The following PCNX1 variants were observed in gnomAD, a reference collection of about 807,000 sequenced individuals.
The protein encoded by PCNX1 is pecanex-like protein 1.
PCNX1 carries 78 observed loss-of-function variants against 242.2 expected under a neutral mutation model. The observed-to-expected ratio is 0.32, with a 90% CI of 0.27 to 0.39. PCNX1 has a LOEUF of 0.39. PCNX1 is among the 10% of genes least tolerant of loss of function. The pLI is 1.00. For missense variants in PCNX1, 2,581 were observed against 2,856.5 expected, an observed-to-expected ratio of 0.90 and a Z score of 2.20; for synonymous variants, 1,024 against 1,032.9, an observed-to-expected ratio of 0.99 and a Z score of 0.17.
chr14:71,068,410 A>G (rs2061501754), intron 26 of PCNX1, among the ~76,000 whole-genome samples: 1 of 149,298 alleles, frequency 6.7e-6, no homozygotes, highest in African/African-American at 2.4e-5. Flanking sequence ...ACGTATATAT[A>G]TGTATTTATA....
chr14:70,955,653 T>A (rs1168287025), intron 2 of PCNX1, among the ~76,000 whole-genome samples: 1 of 152,212 alleles, frequency 6.6e-6, no homozygotes, highest in African/African-American at 2.4e-5. Context: ...AGTAGACCAC[T>A]TTGCTACTGT....
Position 71,108,716 on chromosome 14 carries a change from C to T in PCNX1, c.6414C>T (p.Leu2138=). 5 of 1,614,234 alleles carry T rather than the reference C, an allele frequency of 3.1e-6. No individual in the cohort carries two copies. Among genetic ancestry groups the T allele is most frequent in the Non-Finnish European group, 4.2e-6 (5 of 1,180,030 alleles). Residue 2138 remains leucine, a synonymous_variant, in exon 34 of 36, where the codon CTC becomes CTT. Transcript: ENST00000304743. Reference sequence around the variant, plus strand: ...GCTATAGCAGCCGGCATTCATCCCTCCGGATGTCCACCACTGGGTTTGTGC... The same window carrying T: ...GCTATAGCAGCCGGCATTCATCCCTTCGGATGTCCACCACTGGGTTTGTGC... The part of the protein sequence containing the change: ...SYCYSSRHSS[L]RMSTTGFVPC...
In PCNX1 at chr14:70,907,836, C is replaced by T. The variant is rs778106595; in HGVS notation, c.-15C>T. Reference sequence around the variant, plus strand: ...GCGGCGGCGGCGGCGGCGACGGCGGCGGCGCCGGGTGGGGATGGGGTCGCA... The same window carrying T: ...GCGGCGGCGGCGGCGGCGACGGCGGTGGCGCCGGGTGGGGATGGGGTCGCA... On this transcript the variant is annotated 5_prime_UTR_variant, in exon 1 of 36. Coordinates refer to ENST00000304743, the MANE Select transcript of PCNX1 (RefSeq NM_014982.3). 8.6e-6 allele frequency: 11 copies of T among 1,275,042 alleles called. No homozygotes were observed. Among genetic ancestry groups the T allele is most frequent in the South Asian group, 3.1e-5 (1 of 31,786 alleles). The allele number at this position is 1,275,042 out of a possible 1,614,324, so 79.0% of individuals were successfully genotyped here.
intron 2 of PCNX1, among the ~76,000 whole-genome samples, chr14:70,961,027 A>G (rs2058191969): frequency 6.6e-6 from 1 of 152,220 alleles, no homozygotes; most frequent in Non-Finnish European, 1.5e-5. Context: ...GATACAAACA[A>G]ATGGAAGAAC....
At chr14:71,026,738 A>C in intron 14 of PCNX1, 34 bp from the exon 15 acceptor site, 1 of 982,304 alleles carries the variant, frequency 1.0e-6, no homozygotes, top group Non-Finnish European at 1.6e-6. Context: ...ATACAGTATA[A>C]TATTTTAAAA....
intron 26 of PCNX1, among the ~76,000 whole-genome samples, chr14:71,072,621 AT>A: frequency 6.6e-6 from 1 of 152,342 alleles, no homozygotes. Context: ...TGGTGTATGT[AT>A]TAATATTACT....
intron 33 of PCNX1, among the ~76,000 whole-genome samples, chr14:71,107,163 T>C (rs1236562469): frequency 1.3e-5 from 2 of 152,076 alleles, no homozygotes; most frequent in East Asian, 1.9e-4. Context: ...AAGTTGATCC[T>C]CTCCCCAACT....
chr14:70,964,951 C>A (rs886511097), intron 3 of PCNX1, among the ~76,000 whole-genome samples: 7 of 152,094 alleles, frequency 4.6e-5, no homozygotes, highest in Admixed American at 4.6e-4. Flanking sequence ...AAGAGTCTGG[C>A]TTTTTGCATA....
In PCNX1 at chr14:71,006,133, G is replaced by C. The variant is rs867398171; in HGVS notation, c.2630-3501G>C. On this transcript the variant is annotated intron_variant, in intron 8 of 35. Transcript: ENST00000304743. ...TGTGTGTGTGTGTGTGTGTGTGTGTGTGTGTGTGTGTGTGTGTGTGTGTGT... is the reference window on the plus strand; with the variant it reads ...TGTGTGTGTGTGTGTGTGTGTGTGTCTGTGTGTGTGTGTGTGTGTGTGTGT... Among the ~76,000 whole-genome samples, 928 of 105,926 alleles carry C rather than the reference G, an allele frequency of 8.8e-3. 16 individuals carry two copies. Among genetic ancestry groups the C allele is most frequent in the African/African-American group, 0.031 (679 of 22,188 alleles). The allele number at this position is 105,926 out of a possible 152,430, so 69.5% of individuals were successfully genotyped here.
chr14:71,066,326 C>T (rs1001591759), intron 26 of PCNX1, among the ~76,000 whole-genome samples: 2 of 152,168 alleles, frequency 1.3e-5, no homozygotes, highest in Non-Finnish European at 2.9e-5. Context: ...AGAGGACCTT[C>T]GCATCCCTTG....
At chr14:71,009,584 A>G (rs773970480) in intron 8 of PCNX1, 50 bp from the exon 9 acceptor site, 3 of 1,108,016 alleles carry the variant, frequency 2.7e-6, no homozygotes, top group Non-Finnish European at 3.9e-6. Flanking sequence ...TCATGAAGGA[A>G]AAATTCTGAG....
chr14:71,020,926 T>G lies in PCNX1; in HGVS notation c.3150+1764T>G, dbSNP rs540488499. 9.5e-4 allele frequency among the ~76,000 whole-genome samples: 144 copies of G among 152,286 alleles called. No homozygotes were observed. In the Middle Eastern group the frequency reaches 0.01, roughly 11 times the overall value. On this transcript the variant is annotated intron_variant, in intron 12 of 35. Transcript: ENST00000304743. ...ATTTAAGTCTTTAATCCATCTTGAG[T>G]TAATTTTTGTATAAGGTGTAAGGAA...
chr14:70,907,836 C>A lies in PCNX1; in HGVS notation c.-15C>A, dbSNP rs778106595. The A allele has an allele frequency of 1.6e-6, 2 of 1,275,156 alleles. No homozygotes were observed. Among genetic ancestry groups the A allele is most frequent in the Non-Finnish European group, 2.0e-6 (2 of 1,008,448 alleles). The allele number at this position is 1,275,156 out of a possible 1,614,324, so 79.0% of individuals were successfully genotyped here. A position where few individuals can be genotyped will look rare whatever the true frequency, so the allele number is the denominator to read the frequency against. On this transcript the variant is annotated 5_prime_UTR_variant, in exon 1 of 36. Coordinates refer to ENST00000304743, the MANE Select transcript of PCNX1 (RefSeq NM_014982.3). ...GCGGCGGCGGCGGCGGCGACGGCGG[C>A]GGCGCCGGGTGGGGATGGGGTCGCA...
chr14:71,048,694 C>G (rs926668588), intron 22 of PCNX1, among the ~76,000 whole-genome samples: 1 of 152,140 alleles, frequency 6.6e-6, no homozygotes, highest in East Asian at 1.9e-4. Context: ...TGAACAGCTA[C>G]AAAACACAAT....
At chr14:71,028,571 C>T (rs34488204) in intron 15 of PCNX1, 129 bp from the exon 16 acceptor site, 203,907 of 565,640 alleles carry the variant, frequency 0.36, 38,715 homozygotes, top group East Asian at 0.62. Context: ...AACTGAATTT[C>T]TGAAATTCAG....
At chr14:71,029,619 T>C (rs556595270) in intron 16 of PCNX1, among the ~76,000 whole-genome samples, 1 of 152,342 alleles carries the variant, frequency 6.6e-6, no homozygotes, top group East Asian at 1.9e-4. Flanking sequence ...AAGACTACTT[T>C]ATTCTGCCAA....
At chr14:70,917,617 C>G (rs889298785) in intron 1 of PCNX1, among the ~76,000 whole-genome samples, 3 of 152,080 alleles carry the variant, frequency 2.0e-5, no homozygotes, top group Non-Finnish European at 4.4e-5. Flanking sequence ...GTGATGTCTT[C>G]TGGGCTTTAT....
intron 1 of PCNX1, among the ~76,000 whole-genome samples, chr14:70,919,072 G>A (rs1189222910): frequency 2.0e-5 from 3 of 151,792 alleles, no homozygotes; most frequent in East Asian, 1.9e-4. Flanking sequence ...TTGTTGAGGC[G>A]GGGGTCTTGG....
At chr14:70,963,716 T>C (rs1376321569) in intron 3 of PCNX1, among the ~76,000 whole-genome samples, 1 of 152,250 alleles carries the variant, frequency 6.6e-6, no homozygotes, top group Non-Finnish European at 1.5e-5. Flanking sequence ...TGTCTTTCTG[T>C]ATCGTTACTA....
Sources: allele counts gnomAD v4.1 joint callset (sites outside exome capture counted in the v4.1 genomes callset), GRCh38; gene constraint gnomAD v4.1.1; transcripts MANE v1.5; gene names NCBI Gene and HGNC (gene_info 2026-07-23, HGNC 2026-07-21).